TOX: variants seen among roughly 807,000 people sequenced by gnomAD.
TOX encodes the protein thymocyte selection associated high mobility group box.
TOX carries 11 observed loss-of-function variants against 53.7 expected under a neutral mutation model. That is an observed-to-expected ratio of 0.20 (90% CI 0.13 to 0.34). The LOEUF is 0.34. Among genes scored for constraint, TOX ranks in the 10% least tolerant of loss-of-function variants. TOX has a pLI of 1.00. For missense variants in TOX, 570 were observed against 664.6 expected (o/e 0.86, Z 1.56); for synonymous variants, 225 against 245.3 (o/e 0.92, Z 0.77).
intron 3 of TOX, among the ~76,000 whole-genome samples, chr8:58,937,603 T>G (rs1812367826): frequency 6.6e-6 from 1 of 152,190 alleles, no homozygotes; most frequent in Admixed American, 6.5e-5. Context: ...AAAGGTGTAT[T>G]GAGATGGATG....
chr8:58,816,428 G>A lies in TOX; in HGVS notation c.1006-704C>T, dbSNP rs563054787. On this transcript the variant is annotated intron_variant, in intron 6 of 8. Coordinates refer to ENST00000361421, the MANE Select transcript of TOX (RefSeq NM_014729.3). The stretch of plus-strand genomic sequence containing the variant: ...ATATAATTTTGCCCTAATTTTTTCC[G>A]CACCTTCATATGATCATTTCCTAAT... Among the ~76,000 whole-genome samples the A allele has an allele frequency of 7.9e-5, 12 of 152,042 alleles. No homozygotes were observed. The South Asian group carries it at 1.7e-3, about 21-fold the overall frequency.
chr8:58,934,359 C>T (rs1344394967), intron 3 of TOX, among the ~76,000 whole-genome samples: 2 of 152,150 alleles, frequency 1.3e-5, no homozygotes, highest in Non-Finnish European at 1.5e-5. Context: ...CCCAATATGT[C>T]TATGATAAAT....
chr8:58,991,354 T>C (rs2129417425), intron 1 of TOX, among the ~76,000 whole-genome samples: 1 of 152,328 alleles, frequency 6.6e-6, no homozygotes, highest in Non-Finnish European at 1.5e-5. Flanking sequence ...CCTCGAGCAC[T>C]AGAAGTCTGA....
intron 1 of TOX, among the ~76,000 whole-genome samples, chr8:59,084,624 T>G (rs1804475772): frequency 6.6e-6 from 1 of 152,210 alleles, no homozygotes; most frequent in African/African-American, 2.4e-5. Flanking sequence ...GTTTAAGACT[T>G]CAATAGATTG....
At chr8:58,947,753 T>C (rs1405880373) in intron 2 of TOX, among the ~76,000 whole-genome samples, 1 of 152,194 alleles carries the variant, frequency 6.6e-6, no homozygotes. Flanking sequence ...GCTGGGATGA[T>C]CAAGGGATTG....
At chr8:58,963,412 C>A (rs1343155012) in intron 1 of TOX, among the ~76,000 whole-genome samples, 1 of 152,152 alleles carries the variant, frequency 6.6e-6, no homozygotes, top group East Asian at 1.9e-4. Context: ...TTCTCTGGAG[C>A]ACCCTAATAC....
At chr8:59,024,051 A>C (rs1244325049) in intron 1 of TOX, among the ~76,000 whole-genome samples, 2 of 152,188 alleles carry the variant, frequency 1.3e-5, no homozygotes, top group Admixed American at 1.3e-4. Flanking sequence ...AAAGAAAAAG[A>C]AATAGCTGTA....
rs186714521 is a variant in TOX, at chr8:58,904,507, G to T, written c.411+34795C>A. Among the ~76,000 whole-genome samples the T allele has an allele frequency of 2.1e-3, 327 of 152,188 alleles. 5 individuals carry two copies. The highest frequency in any genetic ancestry group is 0.02 in the South Asian group (97 of 4,814). On this transcript the variant is annotated intron_variant, in intron 3 of 8. Transcript: ENST00000361421. ...ATTTCCACCTGTGGTTGAGCTCTGG[G>T]AATCTCTGGAAAATGACATTCACTG...
intron 7 of TOX, among the ~76,000 whole-genome samples, chr8:58,813,762 A>G (rs1810124189): frequency 6.6e-6 from 1 of 152,234 alleles, no homozygotes; most frequent in South Asian, 2.1e-4. Context: ...GGACCAAGAA[A>G]GACTTCAGTA....
chr8:59,001,316 C>T (rs1351994923), intron 1 of TOX, among the ~76,000 whole-genome samples: 1 of 152,140 alleles, frequency 6.6e-6, no homozygotes, highest in Admixed American at 6.5e-5. Context: ...AATTTTCTCC[C>T]AATAATTTTG....
intron 1 of TOX, among the ~76,000 whole-genome samples, chr8:59,061,955 T>C (rs920808808): frequency 4.6e-5 from 7 of 152,124 alleles, no homozygotes; most frequent in East Asian, 3.9e-4. Flanking sequence ...TGTATTTTCA[T>C]TGAGATTTTA....
chr8:59,012,726 A>G (rs1373110074), intron 1 of TOX, among the ~76,000 whole-genome samples: 1 of 152,102 alleles, frequency 6.6e-6, no homozygotes, highest in African/African-American at 2.4e-5. Context: ...CTTTTTACAA[A>G]CACCTCACTT....
chr8:58,824,931 A>G (rs551151992), intron 6 of TOX, among the ~76,000 whole-genome samples: 2 of 152,304 alleles, frequency 1.3e-5, no homozygotes, highest in African/African-American at 4.8e-5. Context: ...CAATTATGGA[A>G]TATATCATGT....
At chr8:59,100,469 A>G (rs763982725) in intron 1 of TOX, among the ~76,000 whole-genome samples, 2 of 152,236 alleles carry the variant, frequency 1.3e-5, no homozygotes, top group Non-Finnish European at 2.9e-5. Flanking sequence ...GGAAAAGGTA[A>G]TAAGAGCTTC....
chr8:58,912,227 A>T (rs1811920825), intron 3 of TOX, among the ~76,000 whole-genome samples: 2 of 152,154 alleles, frequency 1.3e-5, no homozygotes, highest in Admixed American at 6.5e-5. Flanking sequence ...ACTTTAATTT[A>T]CTCCTTTTAT....
At chr8:59,043,201 CTGTGTGTG>C (rs10660376) in intron 1 of TOX, among the ~76,000 whole-genome samples, 4,374 of 147,978 alleles carry the variant, frequency 0.03, 97 homozygotes, top group Middle Eastern at 0.089. Context: ...ACTTTCTTTT[CTGTGTGTG>C]TGTGTGTGTG....
chr8:58,865,772 AATATTCATTTTGT>A (rs1471637366), intron 3 of TOX, among the ~76,000 whole-genome samples: 2 of 151,796 alleles, frequency 1.3e-5, no homozygotes, highest in African/African-American at 2.4e-5. Flanking sequence ...AATTAGAAGT[AATATTCATTTTGT>A]CATTTCACTA....
chr8:58,818,121 T>C (rs1358021113), intron 6 of TOX, among the ~76,000 whole-genome samples: 1 of 152,160 alleles, frequency 6.6e-6, no homozygotes. Flanking sequence ...CTTGTAAAGC[T>C]CTCTTTTTTC....
intron 4 of TOX, among the ~76,000 whole-genome samples, chr8:58,838,697 G>GTTTTTTTTTTTTTTTTTTTT (rs1810590539): frequency 1.3e-5 from 1 of 76,682 alleles, no homozygotes; most frequent in African/African-American, 8.0e-5. Flanking sequence ...AGTTATCCTT[G>GTTTTTTTTTTTTTTTTTTTT]TCTTTTTTTT....
Sources: allele counts gnomAD v4.1 joint callset (sites outside exome capture counted in the v4.1 genomes callset), GRCh38; gene constraint gnomAD v4.1.1; transcripts MANE v1.5; gene names NCBI Gene and HGNC (gene_info 2026-07-23, HGNC 2026-07-21).